Variants in FHIT observed in about 807,000 individuals in gnomAD.
FHIT encodes fragile histidine triad diadenosine triphosphatase.
Under a neutral mutation model 17.9 loss-of-function variants are expected in FHIT, and 19 were observed. The ratio of observed to expected loss-of-function variants is 1.06; its 90% CI spans 0.74 to 1.56. FHIT has a LOEUF of 1.56. Among genes scored for constraint, FHIT ranks in the 40% most tolerant of loss-of-function variants. The pLI is 0.00. For missense variants in FHIT, 248 were observed against 189.2 expected (o/e 1.31, Z -1.82); for synonymous variants, 81 against 69.7 (o/e 1.16, Z -0.81).
intron 3 of FHIT, among the ~76,000 whole-genome samples, chr3:60,955,612 A>ATATATACATATATATATATACATG (rs1559862314): frequency 2.1e-4 from 2 of 9,748 alleles, no homozygotes; most frequent in Admixed American, 2.5e-3. Flanking sequence ...ATATATATAT[A>ATATATACATATATATATATACATG]TATATATATA....
chr3:59,753,167 T>A (rs537378369), intron 8 of FHIT, among the ~76,000 whole-genome samples: 1 of 152,156 alleles, frequency 6.6e-6, no homozygotes, highest in Admixed American at 6.6e-5. Context: ...TGAGCAGTTT[T>A]GTTCAGTGAA....
At chr3:60,857,193 G>A (rs141342646) in intron 3 of FHIT, among the ~76,000 whole-genome samples, 36 of 152,224 alleles carry the variant, frequency 2.4e-4, no homozygotes, top group African/African-American at 7.5e-4. Context: ...GATTCTAATA[G>A]TTCAAGGGCA....
At chr3:60,489,620 A>G (rs2033980871) in intron 5 of FHIT, among the ~76,000 whole-genome samples, 1 of 152,232 alleles carries the variant, frequency 6.6e-6, no homozygotes, top group East Asian at 1.9e-4. Flanking sequence ...AATACCAATA[A>G]GAACATCTGC....
intron 5 of FHIT, among the ~76,000 whole-genome samples, chr3:60,077,735 T>TAGAG (rs1553677417): frequency 2.5e-4 from 16 of 63,218 alleles, no homozygotes; most frequent in African/African-American, 5.8e-4. Context: ...CACACATATA[T>TAGAG]AGAGGGGGGG....
At chr3:60,194,295 C>T (rs1702526322) in intron 5 of FHIT, among the ~76,000 whole-genome samples, 1 of 151,994 alleles carries the variant, frequency 6.6e-6, no homozygotes, top group South Asian at 2.1e-4. Flanking sequence ...TACTTAGGAC[C>T]AAGTGATCTG....
At chr3:59,889,872 T>A (rs1461269954) in intron 8 of FHIT, among the ~76,000 whole-genome samples, 1 of 152,198 alleles carries the variant, frequency 6.6e-6, no homozygotes, top group Non-Finnish European at 1.5e-5. Flanking sequence ...AAGGGTATTG[T>A]TCTTTTCTTC....
chr3:60,913,602 C>T lies in FHIT; in HGVS notation c.-110-91591G>A, dbSNP rs565075191. 4.6e-5 allele frequency among the ~76,000 whole-genome samples: 7 copies of T among 152,306 alleles called. 1 individual carries two copies. The South Asian group carries it at 1.0e-3, about 23-fold the overall frequency. On this transcript the variant is annotated intron_variant, in intron 3 of 9. Coordinates refer to ENST00000492590, the MANE Select transcript of FHIT (RefSeq NM_002012.4). ...GTGATCTTTACAACTTAATAAACCACCCCCAAAAGTTAGTGACTTTAAACA... is the reference window on the plus strand; with the variant it reads ...GTGATCTTTACAACTTAATAAACCATCCCCAAAAGTTAGTGACTTTAAACA...
intron 7 of FHIT, among the ~76,000 whole-genome samples, chr3:59,952,251 G>A (rs1707153169): frequency 6.6e-6 from 1 of 151,966 alleles, no homozygotes; most frequent in African/African-American, 2.4e-5. Flanking sequence ...CCTCTTTCCT[G>A]AACAACCTGC....
At chr3:60,791,111 A>G (rs1700762313) in intron 4 of FHIT, among the ~76,000 whole-genome samples, 1 of 152,284 alleles carries the variant, frequency 6.6e-6, no homozygotes, top group African/African-American at 2.4e-5. Context: ...AGTGTTTGGG[A>G]AAATAGAGTA....
intron 5 of FHIT, among the ~76,000 whole-genome samples, chr3:60,358,445 T>C (rs1699765419): frequency 6.6e-6 from 1 of 152,162 alleles, no homozygotes; most frequent in Non-Finnish European, 1.5e-5. Flanking sequence ...ACAAAACCAC[T>C]CTATTCCTTC....
chr3:59,760,240 G>T (rs1050312928), intron 8 of FHIT, among the ~76,000 whole-genome samples: 4 of 152,142 alleles, frequency 2.6e-5, no homozygotes, highest in African/African-American at 9.7e-5. Context: ...TTTTCAAGGG[G>T]TATAGAGTGT....
chr3:59,830,840 A>G (rs895116465), intron 8 of FHIT, among the ~76,000 whole-genome samples: 11 of 152,150 alleles, frequency 7.2e-5, no homozygotes, highest in African/African-American at 2.7e-4. Flanking sequence ...AACCTGTCTA[A>G]TTGGGTCATT....
chr3:60,004,257 G>T (rs979689649), intron 7 of FHIT, among the ~76,000 whole-genome samples: 1 of 152,124 alleles, frequency 6.6e-6, no homozygotes, highest in Non-Finnish European at 1.5e-5. Context: ...ACAGTTTACT[G>T]AATCCTATAA....
At position 60,242,066 on chromosome 3, in the gene FHIT, A is replaced by T. The variant is rs558743209; in HGVS notation, c.104-227914T>A. Among the ~76,000 whole-genome samples, 5 of 152,230 alleles carry T rather than the reference A, an allele frequency of 3.3e-5. No homozygotes were observed. In the South Asian group the frequency reaches 1.0e-3, roughly 32 times the overall value. ...ACAGGGTGTGTATGTAATTACACTA[A>T]AACTTCATTGATTTAGGCCATTATT... On this transcript the variant is annotated intron_variant, in intron 5 of 9. Coordinates refer to ENST00000492590, the MANE Select transcript of FHIT (RefSeq NM_002012.4).
chr3:60,277,637 G>C (rs1173684547), intron 5 of FHIT, among the ~76,000 whole-genome samples: 2 of 152,028 alleles, frequency 1.3e-5, no homozygotes, highest in East Asian at 3.9e-4. Flanking sequence ...CAATCTTTGG[G>C]CCCTATGTAA....
intron 5 of FHIT, among the ~76,000 whole-genome samples, chr3:60,040,231 C>G (rs187819331): frequency 6.6e-6 from 1 of 151,942 alleles, no homozygotes. Flanking sequence ...CTGCAACCTC[C>G]GCCTCCCAGG....
At chr3:60,959,178 C>T (rs1213217806) in intron 3 of FHIT, among the ~76,000 whole-genome samples, 1 of 152,140 alleles carries the variant, frequency 6.6e-6, no homozygotes, top group Non-Finnish European at 1.5e-5. Context: ...CATAGTGGTG[C>T]TATCAGGCAG....
At chr3:59,753,850 C>CCAA (rs1413798770) in intron 8 of FHIT, among the ~76,000 whole-genome samples, 3 of 152,210 alleles carry the variant, frequency 2.0e-5, no homozygotes, top group African/African-American at 7.2e-5. Flanking sequence ...AGTATTATCC[C>CCAA]CAACAACTTT....
intron 8 of FHIT, among the ~76,000 whole-genome samples, chr3:59,836,060 A>C (rs563676294): frequency 1.3e-5 from 2 of 152,254 alleles, no homozygotes; most frequent in South Asian, 4.2e-4. Flanking sequence ...AATATCCATG[A>C]ATGTTACTAA....
Sources: gnomAD v4.1 joint callset for allele counts (sites outside exome capture counted in the v4.1 genomes callset) on GRCh38, gnomAD v4.1.1 for gene constraint, MANE v1.5 for transcripts, NCBI Gene and HGNC (gene_info 2026-07-23, HGNC 2026-07-21) for gene names.